TUT7: variants seen among roughly 807,000 people sequenced by gnomAD.
TUT7 encodes terminal uridylyltransferase 7.
Under a neutral mutation model 165.9 loss-of-function variants are expected in TUT7, and 33 were observed. The observed-to-expected ratio is 0.20, with a 90% CI of 0.15 to 0.27. The LOEUF is 0.27. TUT7 is among the 10% of genes least tolerant of loss of function. The pLI, the probability that TUT7 is intolerant of heterozygous loss-of-function variation, is 1.00. For synonymous variants in TUT7, 552 were observed against 608.1 expected (o/e 0.91, Z 1.36); for missense variants, 1,338 against 1,762.3 (o/e 0.76, Z 4.31).
At chr9:86,320,615 C>T (rs1027269529) in intron 14 of TUT7, among the ~76,000 whole-genome samples, 1 of 152,124 alleles carries the variant, frequency 6.6e-6, no homozygotes, top group Non-Finnish European at 1.5e-5. Flanking sequence ...CCTAGGTATA[C>T]TTCTGGTGAT....
At position 86,313,763 on chromosome 9, in the gene TUT7, A is replaced by T. The variant is rs187865316; in HGVS notation, c.3275-2954T>A. Among the ~76,000 whole-genome samples, 8 of 152,336 alleles carry T rather than the reference A, an allele frequency of 5.3e-5. No homozygotes were observed. In the East Asian group the frequency reaches 1.3e-3, roughly 26 times the overall value. ...AGATTAATGGAGTTGGTTCCTGCAG[A>T]AGGGAAGCGGTAAAGTGAAAGATAA... On this transcript the variant is annotated intron_variant, in intron 17 of 26. Transcript: ENST00000375963.
intron 10 of TUT7, among the ~76,000 whole-genome samples, chr9:86,335,689 T>C (rs565794086): frequency 6.6e-6 from 1 of 152,334 alleles, no homozygotes; most frequent in Admixed American, 6.5e-5. Flanking sequence ...TTGGATTTTC[T>C]GCAGAAATAA....
intron 26 of TUT7, among the ~76,000 whole-genome samples, chr9:86,297,077 A>G (rs1826391461): frequency 1.3e-5 from 2 of 152,188 alleles, no homozygotes; most frequent in Admixed American, 1.3e-4. Flanking sequence ...AGATTTATAA[A>G]TATGTAGGTT....
intron 26 of TUT7, among the ~76,000 whole-genome samples, chr9:86,295,241 G>A (rs1826211689): frequency 6.6e-6 from 1 of 152,114 alleles, no homozygotes; most frequent in Non-Finnish European, 1.5e-5. Context: ...GAGCTGAGCT[G>A]TATATAAATG....
intron 21 of TUT7, among the ~76,000 whole-genome samples, chr9:86,308,848 T>C (rs976732551): frequency 6.6e-6 from 1 of 152,198 alleles, no homozygotes; most frequent in Non-Finnish European, 1.5e-5. Context: ...AGTCAGAAGA[T>C]CCAGAAATAG....
At chr9:86,302,274 T>C (rs1313759403) in intron 25 of TUT7, among the ~76,000 whole-genome samples, 2 of 152,036 alleles carry the variant, frequency 1.3e-5, no homozygotes, top group East Asian at 1.9e-4. Context: ...GAAGAAAGCA[T>C]GGGGACTAAA....
chr9:86,328,250 A>C, intron 11 of TUT7, 90 bp downstream of exon 11: 1 of 1,296,974 alleles, frequency 7.7e-7, no homozygotes, highest in Non-Finnish European at 1.0e-6. Context: ...GAAATAGTAA[A>C]GATAGTTAAG....
At chr9:86,300,542 A>G (rs1049486280) in intron 26 of TUT7, among the ~76,000 whole-genome samples, 6 of 152,210 alleles carry the variant, frequency 3.9e-5, no homozygotes, top group Admixed American at 2.0e-4. Context: ...TTTGTAAATC[A>G]TTACTTATTA....
intron 10 of TUT7, among the ~76,000 whole-genome samples, chr9:86,333,374 T>A (rs539674410): frequency 6.6e-6 from 1 of 152,370 alleles, no homozygotes; most frequent in Admixed American, 6.5e-5. Flanking sequence ...ATTATACATA[T>A]GTTTCAACCT....
Position 86,352,888 on chromosome 9 carries a change from A to G in TUT7, c.312T>C (p.Asp104=), listed in dbSNP as rs1377376391. 6.2e-7 allele frequency: 1 copy of G among 1,614,216 alleles called. No homozygotes were observed. Among genetic ancestry groups the G allele is most frequent in the Non-Finnish European group, 8.5e-7 (1 of 1,180,032 alleles). The change falls in exon 2 of 27, where the codon GAT becomes GAC. Residue 104 remains aspartate, a synonymous_variant. Coordinates refer to ENST00000375963, the MANE Select transcript of TUT7 (RefSeq NM_024617.4). ...AGTTGTCTGAATTACCAGTATGTTC[A>G]TCAGACAGCCATCTCTTACTCTGAT... ...HKDQSKRWLS[D]EHTGNSDNWR...
In TUT7 at chr9:86,288,617, A is replaced by G. The variant is rs530278290; in HGVS notation, c.*60T>C. The stretch of plus-strand genomic sequence containing the variant: ...CTGCTGTGTCCTGTGAAATGAACCT[A>G]ATTTTCCGAGTGAATAGGAACGCCT... On this transcript the variant is annotated 3_prime_UTR_variant, in exon 27 of 27. Coordinates refer to ENST00000375963, the MANE Select transcript of TUT7 (RefSeq NM_024617.4). 3.0e-5 allele frequency: 40 copies of G among 1,346,954 alleles called. No individual in the cohort carries two copies. In the East Asian group the frequency reaches 8.5e-4, roughly 29 times the overall value. 83.4% of individuals were successfully genotyped at this position (1,346,954 alleles called of 1,614,324 possible).
At chr9:86,292,118 C>G (rs1825945471) in intron 26 of TUT7, among the ~76,000 whole-genome samples, 1 of 152,218 alleles carries the variant, frequency 6.6e-6, no homozygotes, top group African/African-American at 2.4e-5. Context: ...TCATTGCATA[C>G]TACAGTGTCA....
intron 6 of TUT7, among the ~76,000 whole-genome samples, chr9:86,342,740 T>C (rs1831423722): frequency 6.6e-6 from 1 of 152,066 alleles, no homozygotes; most frequent in South Asian, 2.1e-4. Flanking sequence ...AATGTTTAAA[T>C]ATCTACACTT....
Position 86,317,199 on chromosome 9 carries a change from G to T in TUT7, c.3274+20C>A. The T allele has an allele frequency of 6.2e-7, 1 of 1,607,644 alleles. No homozygotes were observed. The highest frequency in any genetic ancestry group is 8.5e-7 in the Non-Finnish European group (1 of 1,175,066). On this transcript the variant is annotated intron_variant, in intron 17 of 26. Coordinates refer to ENST00000375963, the MANE Select transcript of TUT7 (RefSeq NM_024617.4). ...AATTAAAAAGTCAGAAATATTTTTA[G>T]AAAAAGTTTACAGAGGTACCTGAAT... is the stretch of plus-strand genomic sequence containing the variant.
intron 16 of TUT7, 70 bp downstream of exon 16, chr9:86,318,888 C>G (rs1828981070): frequency 8.0e-7 from 1 of 1,248,118 alleles, no homozygotes; most frequent in African/African-American, 1.5e-5. Flanking sequence ...AAATACCAAG[C>G]TGTAATGCCA....
intron 17 of TUT7, among the ~76,000 whole-genome samples, chr9:86,312,291 G>A (rs1371065500): frequency 6.6e-6 from 1 of 151,698 alleles, no homozygotes; most frequent in Non-Finnish European, 1.5e-5. Flanking sequence ...GGGATGTGAG[G>A]AGCGTCTCTG....
intron 2 of TUT7, among the ~76,000 whole-genome samples, chr9:86,348,940 A>T (rs1832024507): frequency 6.6e-6 from 1 of 152,128 alleles, no homozygotes; most frequent in Non-Finnish European, 1.5e-5. Flanking sequence ...AAAAACTGTC[A>T]AAATCTCACC....
At chr9:86,302,309 A>C (rs73488829) in intron 25 of TUT7, among the ~76,000 whole-genome samples, 2,932 of 144,816 alleles carry the variant, frequency 0.02, 112 homozygotes, top group African/African-American at 0.073. Flanking sequence ...TACTCACAAC[A>C]ATTATTAAGG....
At chr9:86,319,083 TA>T (rs777135347) in intron 15 of TUT7, 25 bp from the exon 16 acceptor site, 2 of 1,528,702 alleles carry the variant, frequency 1.3e-6, no homozygotes, top group Admixed American at 3.5e-5. Flanking sequence ...TGAAAAGTAA[TA>T]ACTAATTACC....
Sources: gnomAD v4.1 joint callset for allele counts (sites outside exome capture counted in the v4.1 genomes callset) on GRCh38, gnomAD v4.1.1 for gene constraint, MANE v1.5 for transcripts, NCBI Gene and HGNC (gene_info 2026-07-23, HGNC 2026-07-21) for gene names.